SND1: variants seen among roughly 807,000 people sequenced by gnomAD.
SND1 encodes the protein staphylococcal nuclease and tudor domain containing 1.
SND1 carries 38 observed loss-of-function variants against 121.7 expected under a neutral mutation model. That is an observed-to-expected ratio of 0.31 (90% confidence interval 0.24 to 0.41). The LOEUF (loss-of-function observed/expected upper bound fraction) is 0.41. Ranked by LOEUF, SND1 falls within the 10% of genes least tolerant of loss-of-function variation. The probability of loss-of-function intolerance (pLI) is 1.00; values close to 1 mark genes in which losing one functional copy is unlikely to be tolerated. For missense variants in SND1, 868 were observed against 1,184.6 expected (o/e 0.73, Z 3.92); for synonymous variants, 401 against 447.4 (o/e 0.90, Z 1.31).
At chr7:127,674,609 C>T (rs1266670685) in intron 1 of SND1, among the ~76,000 whole-genome samples, 1 of 152,204 alleles carries the variant, frequency 6.6e-6, no homozygotes, top group Non-Finnish European at 1.5e-5. Context: ...CTTTTTTGAC[C>T]TGTTGGTAGC....
intron 10 of SND1, among the ~76,000 whole-genome samples, chr7:127,741,648 C>T (rs1048636181): frequency 7.9e-5 from 12 of 152,230 alleles, no homozygotes; most frequent in African/African-American, 2.6e-4. Flanking sequence ...CATTGCCTTC[C>T]GTTGTGTACC....
Position 128,090,799 on chromosome 7 carries a change from CAA to C in SND1, c.2623-1037_2623-1036del, listed in dbSNP as rs549103985. 7.6e-3 allele frequency among the ~76,000 whole-genome samples: 1,165 copies of C among 152,296 alleles called. 15 individuals are homozygous for C. Among genetic ancestry groups the C allele is most frequent in the African/African-American group, 0.026 (1,088 of 41,544 alleles). The stretch of plus-strand genomic sequence containing the variant: ...ACCCCTGTGGACTGCCGCTGTGTCT[CAA>C]GAGAAGCCCGACCCCTAAGCCCCTC... On this transcript the variant is annotated intron_variant, in intron 22 of 23. Transcript: ENST00000354725.
Position 127,652,212 on chromosome 7 carries a change from C to T in SND1, c.-162C>T. 2 of 683,802 alleles carry T rather than the reference C, an allele frequency of 2.9e-6. No individual in the cohort carries two copies. The highest frequency in any genetic ancestry group is 2.8e-5 in the East Asian group (1 of 36,300). The allele number at this position is 683,802 out of a possible 1,614,324, so 42.4% of individuals were successfully genotyped here. A position where few individuals can be genotyped will look rare whatever the true frequency, so the allele number is the denominator to read the frequency against. On this transcript the variant is annotated 5_prime_UTR_variant, in exon 1 of 24. Transcript: ENST00000354725. ...ATCGCGTCTCTTTCGCTCCGTGTCC[C>T]GCTGCTGCTCCTGTGAGCGCCCGGC...
intron 16 of SND1, among the ~76,000 whole-genome samples, chr7:128,017,345 G>T (rs1803247078): frequency 6.6e-6 from 1 of 152,188 alleles, no homozygotes; most frequent in Non-Finnish European, 1.5e-5. Context: ...CAACTAGGTA[G>T]CTGCTTGCTA....
intron 10 of SND1, among the ~76,000 whole-genome samples, chr7:127,775,057 TA>T (rs1563008831): frequency 6.6e-6 from 1 of 152,186 alleles, no homozygotes; most frequent in Non-Finnish European, 1.5e-5. Flanking sequence ...TGTGTTCTGA[TA>T]AAAATAAGTT....
intron 11 of SND1, among the ~76,000 whole-genome samples, chr7:127,821,462 T>C (rs974901550): frequency 6.6e-6 from 1 of 152,236 alleles, no homozygotes; most frequent in African/African-American, 2.4e-5. Context: ...ATCTCTGCTC[T>C]CCAACTGTTG....
chr7:127,964,736 G>A (rs1415977582), intron 15 of SND1, among the ~76,000 whole-genome samples: 22 of 144,360 alleles, frequency 1.5e-4, no homozygotes, highest in Middle Eastern at 3.4e-3. Flanking sequence ...TTGGCTATGC[G>A]GGCTGTTTTT....
intron 9 of SND1, among the ~76,000 whole-genome samples, chr7:127,712,111 C>T (rs1796308630): frequency 6.6e-6 from 1 of 151,984 alleles, no homozygotes; most frequent in African/African-American, 2.4e-5. Context: ...GATATTAAAA[C>T]ACTGAGTTTA....
chr7:128,071,839 G>A (rs1004549810), intron 16 of SND1, among the ~76,000 whole-genome samples: 2 of 152,198 alleles, frequency 1.3e-5, no homozygotes, highest in African/African-American at 2.4e-5. Context: ...CAGCTTTATC[G>A]CCATCTACAA....
At chr7:128,036,831 C>T (rs981065639) in intron 16 of SND1, among the ~76,000 whole-genome samples, 2 of 152,264 alleles carry the variant, frequency 1.3e-5, no homozygotes, top group Non-Finnish European at 2.9e-5. Flanking sequence ...TGAAAATGCA[C>T]TTCTGCATGA....
chr7:127,811,998 G>A (rs1423762005), intron 11 of SND1, among the ~76,000 whole-genome samples: 3 of 152,160 alleles, frequency 2.0e-5, no homozygotes, highest in Non-Finnish European at 2.9e-5. Flanking sequence ...ACTGAACTCT[G>A]AGAACTTTGT....
chr7:128,055,135 G>A (rs1793115218), intron 16 of SND1, among the ~76,000 whole-genome samples: 1 of 152,172 alleles, frequency 6.6e-6, no homozygotes, highest in South Asian at 2.1e-4. Context: ...TGGGAAAGCT[G>A]GAAGGATTTT....
chr7:127,925,428 C>G (rs1237552354), intron 14 of SND1, among the ~76,000 whole-genome samples: 1 of 152,108 alleles, frequency 6.6e-6, no homozygotes, highest in African/African-American at 2.4e-5. Flanking sequence ...AATCCCAGAC[C>G]TTATGTAAGG....
At chr7:127,991,121 C>A in intron 16 of SND1, 65 bp downstream of exon 16, 1 of 1,131,370 alleles carries the variant, frequency 8.8e-7, no homozygotes, top group Non-Finnish European at 1.3e-6. Flanking sequence ...CCTTGGTCTG[C>A]CATGTCAGAG....
At chr7:127,672,817 G>A (rs190234159) in intron 1 of SND1, among the ~76,000 whole-genome samples, 8 of 152,052 alleles carry the variant, frequency 5.3e-5, no homozygotes, top group Admixed American at 5.2e-4. Flanking sequence ...TATAGAATGT[G>A]CCTTGTCATG....
intron 16 of SND1, among the ~76,000 whole-genome samples, chr7:128,041,415 G>C (rs1169755009): frequency 6.6e-6 from 1 of 152,162 alleles, no homozygotes; most frequent in African/African-American, 2.4e-5. Context: ...TAACATCCAG[G>C]TTCCTGGATG....
Position 127,652,425 on chromosome 7 carries a change from A to G in SND1, c.52A>G (p.Thr18Ala), listed in dbSNP as rs1359184196. 6.4e-7 allele frequency: 1 copy of G among 1,569,332 alleles called. No homozygotes were observed. Among genetic ancestry groups the G allele is most frequent in the South Asian group, 1.2e-5 (1 of 83,992 alleles). ...CTCCTCCGGGGGACCCGCGGTCCCCACCGTGCAGCGGGGCATCATCAAGAT... is the reference window on the plus strand; with the variant it reads ...CTCCTCCGGGGGACCCGCGGTCCCCGCCGTGCAGCGGGGCATCATCAAGAT... ...GGSSGGPAVP[T>A]VQRGIIKMVL... Residue 18 changes from threonine (T) to alanine (A), a missense_variant, in exon 1 of 24, where the codon ACC becomes GCC. Physicochemically the swap from Thr to Ala is moderately conservative, Grantham distance 58 (BLOSUM62 0). This residue lies in a region of SND1 where 125 missense variants were observed against 113.3 expected (regional missense o/e 1.10). Coordinates refer to ENST00000354725, the MANE Select transcript of SND1 (RefSeq NM_014390.4).
chr7:127,913,118 T>A (rs1800493306), intron 14 of SND1, among the ~76,000 whole-genome samples: 1 of 152,166 alleles, frequency 6.6e-6, no homozygotes, highest in Non-Finnish European at 1.5e-5. Flanking sequence ...CCTCAGAAAA[T>A]GTTTGCTCAG....
At chr7:128,024,810 C>G (rs778341633) in intron 16 of SND1, among the ~76,000 whole-genome samples, 3 of 152,148 alleles carry the variant, frequency 2.0e-5, no homozygotes, top group Non-Finnish European at 4.4e-5. Context: ...AGAGTTAGAG[C>G]TGGGGTAGAT....
Sources: gnomAD v4.1 joint callset for allele counts (sites outside exome capture counted in the v4.1 genomes callset) on GRCh38, gnomAD v4.1.1 for gene constraint, gnomAD v4.1.1 regional missense constraint, MANE v1.5 for transcripts, NCBI Gene and HGNC (gene_info 2026-07-23, HGNC 2026-07-21) for gene names.